Variants in MRPL48 observed in about 807,000 individuals in gnomAD.
MRPL48 encodes large ribosomal subunit protein mL48.
Under a neutral mutation model 32.9 loss-of-function variants are expected in MRPL48, and 16 were observed. That is an observed-to-expected ratio of 0.49 (90% CI 0.33 to 0.74). MRPL48 has a LOEUF of 0.74. Ranked by LOEUF, MRPL48 falls within the 30% of genes least tolerant of loss-of-function variation. MRPL48 has a pLI of 0.02. For missense variants in MRPL48, 206 were observed against 245.3 expected (o/e 0.84, Z 1.07); for synonymous variants, 94 against 89.2 (o/e 1.05, Z -0.31).
intron 4 of MRPL48, among the ~76,000 whole-genome samples, chr11:73,836,164 G>A (rs1948098669): frequency 6.6e-6 from 1 of 151,772 alleles, no homozygotes; most frequent in Admixed American, 6.6e-5. Context: ...TGTCACCCAG[G>A]ATGGAGTGCA....
At chr11:73,812,137 C>T (rs1035201001) in intron 3 of MRPL48, among the ~76,000 whole-genome samples, 7 of 152,110 alleles carry the variant, frequency 4.6e-5, no homozygotes, top group African/African-American at 1.4e-4. Context: ...CCAACCGCCT[C>T]GGCCTCCCAA....
At chr11:73,821,970 T>C (rs897369663) in intron 3 of MRPL48, among the ~76,000 whole-genome samples, 1 of 152,136 alleles carries the variant, frequency 6.6e-6, no homozygotes, top group African/African-American at 2.4e-5. Context: ...TTTTGAGTCA[T>C]AATAAAATCT....
chr11:73,797,530 G>C (rs7937366), intron 1 of MRPL48, among the ~76,000 whole-genome samples: 5 of 152,086 alleles, frequency 3.3e-5, no homozygotes, highest in Admixed American at 1.3e-4. Flanking sequence ...TGAGCGCCAC[G>C]TGTTCCCCAG....
intron 4 of MRPL48, among the ~76,000 whole-genome samples, chr11:73,837,055 A>T (rs557917871): frequency 2.6e-5 from 4 of 151,608 alleles, no homozygotes; most frequent in Admixed American, 2.0e-4. Context: ...GACTGTTGAT[A>T]GTACTTAACC....
chr11:73,858,426 A>T (rs1014105404), intron 5 of MRPL48, among the ~76,000 whole-genome samples: 1 of 152,268 alleles, frequency 6.6e-6, no homozygotes, highest in Admixed American at 6.5e-5. Context: ...TCAAATAGGT[A>T]ATAATTGGCA....
At chr11:73,818,712 G>T (rs1947719337) in intron 3 of MRPL48, among the ~76,000 whole-genome samples, 1 of 152,156 alleles carries the variant, frequency 6.6e-6, no homozygotes, top group Non-Finnish European at 1.5e-5. Context: ...TTCCCTACCT[G>T]CATAGCCCTG....
At chr11:73,844,200 C>T (rs761665612) in intron 4 of MRPL48, among the ~76,000 whole-genome samples, 5 of 151,810 alleles carry the variant, frequency 3.3e-5, no homozygotes, top group Non-Finnish European at 5.9e-5. Flanking sequence ...GAGGCCGAGG[C>T]GGGTGGATTG....
At chr11:73,827,004 G>A (rs1032786703) in intron 4 of MRPL48, among the ~76,000 whole-genome samples, 14 of 151,566 alleles carry the variant, frequency 9.2e-5, no homozygotes, top group Non-Finnish European at 1.2e-4. Flanking sequence ...TCAAACTCCC[G>A]ACCTCAGGTG....
intron 4 of MRPL48, among the ~76,000 whole-genome samples, chr11:73,828,217 C>T (rs1030331643): frequency 6.7e-6 from 1 of 150,030 alleles, no homozygotes; most frequent in Non-Finnish European, 1.5e-5. Context: ...GAGTGAGTTG[C>T]AAAATAATTC....
chr11:73,817,546 G>T (rs1024486370), intron 3 of MRPL48, among the ~76,000 whole-genome samples: 2 of 152,102 alleles, frequency 1.3e-5, no homozygotes, highest in Non-Finnish European at 2.9e-5. Flanking sequence ...AGGTTAAAAC[G>T]TGCTTTCCCT....
At chr11:73,863,285 C>T (rs774601912) in intron 7 of MRPL48, 24 bp downstream of exon 7, 2 of 1,528,604 alleles carry the variant, frequency 1.3e-6, no homozygotes, top group Admixed American at 2.0e-5. Flanking sequence ...TGAGAAGAGG[C>T]CCCTGCTGGC....
At chr11:73,807,979 C>T (rs1048723751) in intron 2 of MRPL48, among the ~76,000 whole-genome samples, 2 of 152,142 alleles carry the variant, frequency 1.3e-5, no homozygotes, top group African/African-American at 2.4e-5. Flanking sequence ...ATAGTTTCAC[C>T]TCCCTAGTAG....
At chr11:73,828,398 T>C (rs997628238) in intron 4 of MRPL48, among the ~76,000 whole-genome samples, 1 of 152,020 alleles carries the variant, frequency 6.6e-6, no homozygotes, top group African/African-American at 2.4e-5. Flanking sequence ...CTAGTTTTTG[T>C]ATTTTTTTGT....
At chr11:73,833,726 G>A (rs1227269384) in intron 4 of MRPL48, among the ~76,000 whole-genome samples, 1 of 152,010 alleles carries the variant, frequency 6.6e-6, no homozygotes, top group African/African-American at 2.4e-5. Context: ...CCAGGTTGGA[G>A]TGCAGTGGTG....
chr11:73,797,524 C>T (rs571570773), intron 1 of MRPL48, among the ~76,000 whole-genome samples: 21 of 152,334 alleles, frequency 1.4e-4, no homozygotes, highest in Middle Eastern at 3.4e-3. Flanking sequence ...AGCTTCTGAG[C>T]GCCACGTGTT....
intron 1 of MRPL48, among the ~76,000 whole-genome samples, chr11:73,798,524 G>A (rs1947300968): frequency 6.6e-6 from 1 of 152,180 alleles, no homozygotes; most frequent in Non-Finnish European, 1.5e-5. Context: ...TCAGAGTGGG[G>A]AACTAGGCAC....
chr11:73,831,940 C>CA (rs4019304), intron 4 of MRPL48, among the ~76,000 whole-genome samples: 37,226 of 67,138 alleles, frequency 0.55, 11,304 homozygotes, highest in East Asian at 0.77. Context: ...AACTCTGTCT[C>CA]AAAAAAAAAA....
chr11:73,853,526 T>G (rs936095816), intron 5 of MRPL48, among the ~76,000 whole-genome samples: 8 of 152,092 alleles, frequency 5.3e-5, no homozygotes, highest in Non-Finnish European at 1.0e-4. Context: ...AGGATGATAA[T>G]TTTTTCTGTT....
At chr11:73,848,609 T>C (rs1333744644) in intron 5 of MRPL48, among the ~76,000 whole-genome samples, 1 of 152,104 alleles carries the variant, frequency 6.6e-6, no homozygotes, top group Non-Finnish European at 1.5e-5. Flanking sequence ...ATTTACAGTA[T>C]TTAGATATTC....
Sources: allele counts gnomAD v4.1 joint callset (sites outside exome capture counted in the v4.1 genomes callset), GRCh38; gene constraint gnomAD v4.1.1; transcripts MANE v1.5; gene names NCBI Gene and HGNC (gene_info 2026-07-23, HGNC 2026-07-21).